Variants in SH2D4A observed in about 807,000 individuals in gnomAD.
SH2D4A encodes the protein SH2 domain-containing protein 4A.
In SH2D4A, 70 loss-of-function variants were observed where a neutral mutation model predicts 64.7. The observed-to-expected ratio is 1.08, with a 90% confidence interval of 0.89 to 1.32. The LOEUF is 1.32. SH2D4A is among the 40% of genes most tolerant of loss of function. The probability of loss-of-function intolerance (pLI) is 0.00; values close to 1 mark genes in which losing one functional copy is unlikely to be tolerated. For missense variants in SH2D4A, 706 were observed against 540.1 expected, an observed-to-expected ratio of 1.31 and a Z score of -3.04; for synonymous variants, 268 against 200.7, an observed-to-expected ratio of 1.34 and a Z score of -2.83.
chr8:19,383,062 C>T (rs1238380822), intron 8 of SH2D4A, among the ~76,000 whole-genome samples: 2 of 151,832 alleles, frequency 1.3e-5, no homozygotes, highest in Admixed American at 6.6e-5. Flanking sequence ...GTTCATCTCA[C>T]TTGGATTTCA....
intron 4 of SH2D4A, among the ~76,000 whole-genome samples, chr8:19,339,080 C>T (rs2052487611): frequency 6.6e-6 from 1 of 152,220 alleles, no homozygotes; most frequent in South Asian, 2.1e-4. Flanking sequence ...CTTAGAGCCC[C>T]TGGCAAACCA....
At position 19,325,670 on chromosome 8, in the gene SH2D4A, A is replaced by G. The variant is rs76925457; in HGVS notation, c.181+5942A>G. On this transcript the variant is annotated intron_variant, in intron 2 of 9. Transcript: ENST00000265807. Reference sequence around the variant, plus strand: ...TTCCAGCGGAGGTTCTCTCGTTTCTATACTGCCCTCTGCTTCCCTAGGCTG... The same window carrying G: ...TTCCAGCGGAGGTTCTCTCGTTTCTGTACTGCCCTCTGCTTCCCTAGGCTG... 1.7e-3 allele frequency among the ~76,000 whole-genome samples: 264 copies of G among 152,232 alleles called. 2 individuals are homozygous for G. In the East Asian group the frequency reaches 0.041, roughly 24 times the overall value.
chr8:19,361,263 A>T lies in SH2D4A; in HGVS notation c.655A>T (p.Thr219Ser). ...AATAAATCAAATAGAAGAAGAGAGA[A>T]CGAAGCAGATTTGTAAGAGCTGGAA... ...EEINQIEEER[T>S]KQICKSWKED... Residue 219 changes from threonine to serine, a missense_variant, in exon 6 of 10, where the codon ACG becomes TCG. Coordinates refer to ENST00000265807, the MANE Select transcript of SH2D4A (RefSeq NM_022071.4). The T allele has an allele frequency of 6.2e-7, 1 of 1,612,312 alleles. No homozygotes were observed. Among genetic ancestry groups the T allele is most frequent in the Admixed American group, 1.7e-5 (1 of 59,826 alleles).
At chr8:19,383,214 T>A (rs2053328349) in intron 8 of SH2D4A, among the ~76,000 whole-genome samples, 1 of 152,114 alleles carries the variant, frequency 6.6e-6, no homozygotes, top group South Asian at 2.1e-4. Flanking sequence ...GTTCCGTAGG[T>A]CTGGTAGGCT....
At chr8:19,360,020 C>T (rs548803581) in intron 5 of SH2D4A, among the ~76,000 whole-genome samples, 3 of 152,260 alleles carry the variant, frequency 2.0e-5, no homozygotes, top group East Asian at 3.9e-4. Context: ...TAAATTCAGT[C>T]GTCTTGTGAG....
chr8:19,324,175 G>A (rs752757416), intron 2 of SH2D4A, among the ~76,000 whole-genome samples: 3 of 152,276 alleles, frequency 2.0e-5, no homozygotes, highest in Admixed American at 6.5e-5. Context: ...ATTGGGTAAC[G>A]CAAACAGAAG....
intron 8 of SH2D4A, among the ~76,000 whole-genome samples, chr8:19,389,403 A>ACT: frequency 6.6e-6 from 1 of 152,330 alleles, no homozygotes; most frequent in East Asian, 1.9e-4. Context: ...ATGAATCACA[A>ACT]GCCCTATTTC....
intron 1 of SH2D4A, among the ~76,000 whole-genome samples, chr8:19,314,746 AG>A (rs1421806252): frequency 6.6e-6 from 1 of 152,218 alleles, no homozygotes; most frequent in African/African-American, 2.4e-5. Flanking sequence ...GAAAGCATAC[AG>A]GGGCATAGAT....
At chr8:19,326,496 G>C (rs909601268) in intron 2 of SH2D4A, among the ~76,000 whole-genome samples, 1 of 152,166 alleles carries the variant, frequency 6.6e-6, no homozygotes, top group Non-Finnish European at 1.5e-5. Flanking sequence ...TAGTTAATAT[G>C]GAACGTTGCT....
rs757645774 is a variant in SH2D4A at position 19,373,586 on chromosome 8, G to A, written c.974G>A (p.Trp325Ter). Residue 325 changes from tryptophan to a stop codon, truncating the protein, a stop_gained, in exon 8 of 10, where the codon TGG becomes TAG. Transcript: ENST00000265807. LOFTEE classifies it high-confidence loss of function. ...SSSAQEDIIR[W>*]FKEEQLPLRA... is the part of the protein sequence containing the mutation. Reference sequence around the variant, plus strand: ...TCTGCCCAAGAGGACATCATCCGGTGGTTTAAAGAGGAGCAGCTACCACTT... The same window carrying A: ...TCTGCCCAAGAGGACATCATCCGGTAGTTTAAAGAGGAGCAGCTACCACTT... 3 of 1,613,278 alleles carry A rather than the reference G, an allele frequency of 1.9e-6. No individual in the cohort carries two copies. The highest frequency in any genetic ancestry group is 2.5e-6 in the Non-Finnish European group (3 of 1,179,640).
chr8:19,344,863 T>C (rs747483853), intron 4 of SH2D4A, among the ~76,000 whole-genome samples: 2 of 152,218 alleles, frequency 1.3e-5, no homozygotes, highest in Non-Finnish European at 2.9e-5. Context: ...GTCAACACTC[T>C]GTAAACAAAT....
intron 5 of SH2D4A, among the ~76,000 whole-genome samples, chr8:19,359,844 G>A (rs986465231): frequency 2.6e-5 from 4 of 152,202 alleles, no homozygotes; most frequent in South Asian, 2.1e-4. Flanking sequence ...TATACTTTAC[G>A]TTGTGGTGAC....
At chr8:19,361,806 A>G (rs571433461) in intron 6 of SH2D4A, among the ~76,000 whole-genome samples, 39 of 152,044 alleles carry the variant, frequency 2.6e-4, no homozygotes, top group African/African-American at 9.2e-4. Context: ...TGTGTTTTGG[A>G]TTTTTTTTCC....
intron 8 of SH2D4A, among the ~76,000 whole-genome samples, chr8:19,380,572 A>C (rs555017966): frequency 3.4e-4 from 51 of 152,120 alleles, no homozygotes; most frequent in Non-Finnish European, 6.8e-4. Flanking sequence ...TAAGGGTCCA[A>C]CTTCATTCTT....
chr8:19,315,537 G>C (rs1563179840), intron 1 of SH2D4A, among the ~76,000 whole-genome samples: 1 of 152,324 alleles, frequency 6.6e-6, no homozygotes, highest in East Asian at 1.9e-4. Flanking sequence ...ACAGTGTGAA[G>C]GTGTGAGAAT....
chr8:19,337,200 G>T (rs1438838828), intron 4 of SH2D4A, among the ~76,000 whole-genome samples: 1 of 152,094 alleles, frequency 6.6e-6, no homozygotes, highest in African/African-American at 2.4e-5. Flanking sequence ...AGGGGCTCCT[G>T]TGGTATTTGC....
At chr8:19,382,134 C>G (rs935353636) in intron 8 of SH2D4A, among the ~76,000 whole-genome samples, 1 of 152,020 alleles carries the variant, frequency 6.6e-6, no homozygotes, top group African/African-American at 2.4e-5. Context: ...TGTCTGCATC[C>G]TTTCATTTCA....
chr8:19,333,226 G>A lies in SH2D4A; in HGVS notation c.341+112G>A, dbSNP rs540189870. 5.5e-6 allele frequency: 7 copies of A among 1,273,478 alleles called. No individual in the cohort carries two copies. The South Asian group carries it at 1.0e-4, about 19-fold the overall frequency. The allele number at this position is 1,273,478 out of a possible 1,614,324, so 78.9% of individuals were successfully genotyped here. ...GGTGGGAGAGTAGGGTTGGGTTGGA[G>A]GGTCACAAAAGTCACTTTGGATCTC... is the stretch of plus-strand genomic sequence containing the variant. On this transcript the variant is annotated intron_variant, in intron 3 of 9. Coordinates refer to ENST00000265807, the MANE Select transcript of SH2D4A (RefSeq NM_022071.4).
At chr8:19,324,326 C>T (rs1295172196) in intron 2 of SH2D4A, among the ~76,000 whole-genome samples, 1 of 152,230 alleles carries the variant, frequency 6.6e-6, no homozygotes, top group Non-Finnish European at 1.5e-5. Flanking sequence ...TTGAAACAGA[C>T]TTGGATTCAT....
Sources: gnomAD v4.1 joint callset for allele counts (sites outside exome capture counted in the v4.1 genomes callset) on GRCh38, gnomAD v4.1.1 for gene constraint, MANE v1.5 for transcripts, NCBI Gene and HGNC (gene_info 2026-07-23, HGNC 2026-07-21) for gene names.